Variants in TRIT1 observed in about 807,000 individuals in gnomAD.
TRIT1 encodes tRNA dimethylallyltransferase.
Under a neutral mutation model 51.2 loss-of-function variants are expected in TRIT1, and 43 were observed. The observed-to-expected ratio is 0.84, with a 90% CI of 0.66 to 1.08. TRIT1 has a LOEUF of 1.08. Among genes scored for constraint, TRIT1 ranks in the 50% least tolerant of loss-of-function variants. TRIT1 has a pLI of 0.00. For synonymous variants in TRIT1, 184 were observed against 203.9 expected, an observed-to-expected ratio of 0.90 and a Z score of 0.83; for missense variants, 528 against 578.4, an observed-to-expected ratio of 0.91 and a Z score of 0.89.
Position 39,841,827 on chromosome 1 carries a change from T to C in TRIT1, c.1321A>G (p.Ser441Gly). The change falls in exon 11 of 11, where the codon AGT (serine) becomes GGT (glycine). Residue 441 changes from serine to glycine, a missense_variant. Transcript: ENST00000316891. ...TCTTTGTTATGGTCTGGGGAAACAC[T>C]CTGACTTTCTATGGTGTTGACAGCA... ...SDAVNTIESQSVSPDHNKEPK... is the reference protein window; with the variant it reads ...SDAVNTIESQGVSPDHNKEPK... The C allele has an allele frequency of 6.2e-7, 1 of 1,614,138 alleles. No homozygotes were observed. Among genetic ancestry groups the C allele is most frequent in the East Asian group, 2.2e-5 (1 of 44,882 alleles).
At chr1:39,850,772 T>A (rs1642515825) in intron 4 of TRIT1, among the ~76,000 whole-genome samples, 1 of 152,212 alleles carries the variant, frequency 6.6e-6, no homozygotes, top group Non-Finnish European at 1.5e-5. Flanking sequence ...GGACACTTTG[T>A]AACAAGCCAA....
At chr1:39,874,222 A>G (rs1042420147) in intron 1 of TRIT1, among the ~76,000 whole-genome samples, 2 of 152,096 alleles carry the variant, frequency 1.3e-5, no homozygotes, top group Non-Finnish European at 2.9e-5. Flanking sequence ...TCTTAACTTT[A>G]GTACAATTAA....
At position 39,849,861 on chromosome 1, in the gene TRIT1, T is replaced by C. The variant is rs6668028; in HGVS notation, c.703+258A>G. 0.026 allele frequency among the ~76,000 whole-genome samples: 3,942 copies of C among 152,288 alleles called. 185 individuals carry two copies. The highest frequency in any genetic ancestry group is 0.09 in the African/African-American group (3,756 of 41,554). ...TCCCTGGATGGCAGTCTCTTTCCCA[T>C]TCCGTCCATCCCATCCCACTCTACC... is the stretch of plus-strand genomic sequence containing the variant. On this transcript the variant is annotated intron_variant, in intron 5 of 10. Transcript: ENST00000316891.
At chr1:39,870,380 C>G (rs1045745638) in intron 1 of TRIT1, among the ~76,000 whole-genome samples, 3 of 151,772 alleles carry the variant, frequency 2.0e-5, no homozygotes, top group Non-Finnish European at 4.4e-5. Context: ...TGCGGAAGGC[C>G]GCAGGGTCCT....
rs937062825 is a variant in TRIT1 at position 39,839,743 on chromosome 1, A to G, written c.*2001T>C. On this transcript the variant is annotated 3_prime_UTR_variant, in exon 11 of 11. Transcript: ENST00000316891. ...ATATTAGACACTTTTTTTTTGGTAAAAAAGGCCTGATTTCCAATTGCCATA... is the reference window on the plus strand; with the variant it reads ...ATATTAGACACTTTTTTTTTGGTAAGAAAGGCCTGATTTCCAATTGCCATA... Among the ~76,000 whole-genome samples the G allele has an allele frequency of 2.0e-5, 3 of 152,130 alleles. No homozygotes were observed. The highest frequency in any genetic ancestry group is 6.5e-5 in the Admixed American group (1 of 15,278).
rs781532818 is a variant in TRIT1, at chr1:39,883,351, G to A, written c.141C>T (p.Leu47=). ...AGTCAGCGCTGACGATCTCACCGCC[G>A]AGCCGCTGGCCTAGCTGCAACGCCA... The part of the protein sequence containing the change: ...STLALQLGQR[L]GGEIVSADSM... The change falls in exon 1 of 11, where the codon CTC becomes CTT. Residue 47 remains leucine (L), a synonymous_variant. Coordinates refer to ENST00000316891, the MANE Select transcript of TRIT1 (RefSeq NM_017646.6). 28 of 1,611,770 alleles carry A rather than the reference G, an allele frequency of 1.7e-5. No individual in the cohort carries two copies. The East Asian group carries it at 4.2e-4, about 24-fold the overall frequency.
intron 7 of TRIT1, 118 bp downstream of exon 7, chr1:39,847,430 G>T: frequency 6.9e-7 from 1 of 1,440,796 alleles, no homozygotes; most frequent in Non-Finnish European, 9.7e-7. Context: ...AAAAATCTCA[G>T]TTCTGAGCTG....
rs546845340 is a variant in TRIT1 at position 39,883,495 on chromosome 1, A to G, written c.-4T>C. On this transcript the variant is annotated 5_prime_UTR_variant, in exon 1 of 11. Transcript: ENST00000316891. The stretch of plus-strand genomic sequence containing the variant: ...GTGCAGCCGCCACGGACGCCATCTT[A>G]TGGCAGTCTGCGCTTGCGCCGGAGC... 3 of 1,590,772 alleles carry G rather than the reference A, an allele frequency of 1.9e-6. No individual in the cohort carries two copies. The highest frequency in any genetic ancestry group is 4.5e-5 in the East Asian group (2 of 44,074).
intron 3 of TRIT1, among the ~76,000 whole-genome samples, 163 bp from the exon 4 acceptor site, chr1:39,853,039 T>C (rs1360924740): frequency 2.0e-5 from 3 of 152,124 alleles, no homozygotes; most frequent in Non-Finnish European, 2.9e-5. Flanking sequence ...GTAAGTGCTA[T>C]GAGGCCACAG....
At chr1:39,868,400 T>C (rs1432300599) in intron 1 of TRIT1, among the ~76,000 whole-genome samples, 6 of 152,050 alleles carry the variant, frequency 3.9e-5, no homozygotes, top group South Asian at 2.1e-4. Flanking sequence ...CCCTGTACTT[T>C]GGGAGGCTGA....
At position 39,840,076 on chromosome 1, in the gene TRIT1, G is replaced by C. The variant is rs1473997658; in HGVS notation, c.*1668C>G. 6.6e-6 allele frequency among the ~76,000 whole-genome samples: 1 copy of C among 152,100 alleles called. No homozygotes were observed. The highest frequency in any genetic ancestry group is 1.5e-5 in the Non-Finnish European group (1 of 68,004). ...GCCTTAGTTTCCTCCCTGGTTAACA[G>C]CAAAGGAAACAGCATCTCCCTCCCA... On this transcript the variant is annotated 3_prime_UTR_variant, in exon 11 of 11. Transcript: ENST00000316891.
chr1:39,851,438 T>C (rs926316176), intron 4 of TRIT1, among the ~76,000 whole-genome samples: 1 of 152,198 alleles, frequency 6.6e-6, no homozygotes, highest in Non-Finnish European at 1.5e-5. Flanking sequence ...TAAAAATGAA[T>C]GTTTATCATA....
intron 8 of TRIT1, 26 bp downstream of exon 8, chr1:39,847,194 A>G: frequency 1.2e-6 from 2 of 1,600,224 alleles, no homozygotes; most frequent in Non-Finnish European, 1.7e-6. Context: ...ACAGACCCAT[A>G]GGATAAAGAA....
chr1:39,881,279 T>C (rs983330910), intron 1 of TRIT1, among the ~76,000 whole-genome samples: 2 of 151,540 alleles, frequency 1.3e-5, no homozygotes, highest in African/African-American at 4.9e-5. Flanking sequence ...AATATTGGCA[T>C]GGACCTTAGG....
chr1:39,877,660 T>C (rs1417495735), intron 1 of TRIT1, among the ~76,000 whole-genome samples: 1 of 152,224 alleles, frequency 6.6e-6, no homozygotes, highest in Non-Finnish European at 1.5e-5. Flanking sequence ...GTACAATGTT[T>C]CATCCAGTCA....
At chr1:39,858,559 T>C (rs113286272) in intron 1 of TRIT1, among the ~76,000 whole-genome samples, 24 of 152,338 alleles carry the variant, frequency 1.6e-4, no homozygotes, top group African/African-American at 4.6e-4. Flanking sequence ...TATTACCTAA[T>C]TGCTATCATT....
At chr1:39,869,794 C>A (rs1359440364) in intron 1 of TRIT1, among the ~76,000 whole-genome samples, 2 of 151,798 alleles carry the variant, frequency 1.3e-5, no homozygotes, top group African/African-American at 2.4e-5. Flanking sequence ...TCTGCCCGGC[C>A]GCCCCGTCTG....
At chr1:39,878,836 G>A (rs1644151993) in intron 1 of TRIT1, among the ~76,000 whole-genome samples, 1 of 152,112 alleles carries the variant, frequency 6.6e-6, no homozygotes, top group Non-Finnish European at 1.5e-5. Context: ...AGTACATCAG[G>A]TGGCTTCCAG....
intron 1 of TRIT1, among the ~76,000 whole-genome samples, chr1:39,865,332 A>G (rs1643476159): frequency 6.6e-6 from 1 of 152,238 alleles, no homozygotes; most frequent in African/African-American, 2.4e-5. Flanking sequence ...ATATTGAGAA[A>G]TGGCAGTCTT....
Sources: gnomAD v4.1 joint callset for allele counts (sites outside exome capture counted in the v4.1 genomes callset) on GRCh38, gnomAD v4.1.1 for gene constraint, MANE v1.5 for transcripts, NCBI Gene and HGNC (gene_info 2026-07-23, HGNC 2026-07-21) for gene names.